Variants in CFAP100 observed in about 807,000 individuals in gnomAD.
CFAP100 encodes the protein cilia- and flagella-associated protein 100.
A neutral mutation model predicts 81.5 loss-of-function variants in CFAP100; 70 were observed. The ratio of observed to expected loss-of-function variants is 0.86; its 90% CI spans 0.71 to 1.05. The LOEUF is 1.05. CFAP100 is among the 50% of genes least tolerant of loss of function. The probability of loss-of-function intolerance (pLI) is 0.00; values close to 1 mark genes in which losing one functional copy is unlikely to be tolerated. For missense variants in CFAP100, 811 were observed against 776.5 expected (o/e 1.04, Z -0.53); for synonymous variants, 341 against 314.8 (o/e 1.08, Z -0.88).
chr3:126,416,309 C>T lies in CFAP100; in HGVS notation c.226-7C>T, dbSNP rs370503598. 222 of 1,576,800 alleles carry T rather than the reference C, an allele frequency of 1.4e-4. 3 individuals are homozygous for T. In the African/African-American group the frequency reaches 2.5e-3, roughly 18 times the overall value. ...GGGCCCCGCCCGACTTGGCCCGACGCCCCCAGGAACGGCAGCAGCAGAAGA... is the reference window on the plus strand; with the variant it reads ...GGGCCCCGCCCGACTTGGCCCGACGTCCCCAGGAACGGCAGCAGCAGAAGA... On this transcript the variant is annotated splice_polypyrimidine_tract_variant and splice_region_variant and intron_variant, in intron 4 of 16. Coordinates refer to ENST00000352312, the MANE Select transcript of CFAP100 (RefSeq NM_182628.3).
chr3:126,432,140 G>A (rs1016821521), intron 13 of CFAP100, among the ~76,000 whole-genome samples: 4 of 151,870 alleles, frequency 2.6e-5, no homozygotes, highest in Admixed American at 6.6e-5. Flanking sequence ...TTAGCCGGGC[G>A]TGGTGGCGGG....
In CFAP100 at chr3:126,427,463, G is replaced by C. The variant is rs928211173; in HGVS notation, c.1286+3819G>C. ...CTTCAAGATAATAATAATATAGTAG[G>C]TTTTCACTGGTGTCTGGTCTCTTTC... On this transcript the variant is annotated intron_variant, in intron 13 of 16. Coordinates refer to ENST00000352312, the MANE Select transcript of CFAP100 (RefSeq NM_182628.3). Among the ~76,000 whole-genome samples, 12 of 152,060 alleles carry C rather than the reference G, an allele frequency of 7.9e-5. 1 individual carries two copies. The highest frequency in any genetic ancestry group is 1.5e-5 in the Non-Finnish European group (1 of 68,020).
chr3:126,418,795 G>A, intron 7 of CFAP100, 21 bp downstream of exon 7: 2 of 1,557,628 alleles, frequency 1.3e-6, no homozygotes, highest in Non-Finnish European at 1.7e-6. Flanking sequence ...GGGCCCGAGG[G>A]GCTGGCTGGG....
At chr3:126,405,015 T>C (rs1452655468) in intron 2 of CFAP100, among the ~76,000 whole-genome samples, 1 of 152,154 alleles carries the variant, frequency 6.6e-6, no homozygotes, top group Admixed American at 6.5e-5. Flanking sequence ...GAAATACACA[T>C]AAAATTGACC....
At chr3:126,433,277 G>A (rs974895870) in intron 14 of CFAP100, 73 bp downstream of exon 14, 3 of 1,561,110 alleles carry the variant, frequency 1.9e-6, no homozygotes, top group Non-Finnish European at 2.6e-6. Context: ...GAGGAGCCCT[G>A]ACAGCCCTTG....
chr3:126,418,799 G>A (rs753815199), intron 7 of CFAP100, 25 bp downstream of exon 7: 4 of 1,555,748 alleles, frequency 2.6e-6, no homozygotes, highest in Non-Finnish European at 3.5e-6. Flanking sequence ...CCGAGGGGCT[G>A]GCTGGGCAAT....
In CFAP100 at chr3:126,423,541, C is replaced by G. The variant is rs144967893; in HGVS notation, c.1183C>G (p.Arg395Gly). ...TEPQQLLDVF[R>G]ELEEQNLSLI... ...GCCCCAGCAGCTCCTGGATGTCTTCCGAGAGCTGGAGGAGCAGAACCTGTC... is the reference window on the plus strand; with the variant it reads ...GCCCCAGCAGCTCCTGGATGTCTTCGGAGAGCTGGAGGAGCAGAACCTGTC... Residue 395 changes from arginine to glycine, a missense_variant, in exon 13 of 17, where the codon CGA (arginine) becomes GGA (glycine). Physicochemically the swap from Arg to Gly is moderately radical, Grantham distance 125. Coordinates refer to ENST00000352312, the MANE Select transcript of CFAP100 (RefSeq NM_182628.3). 2.5e-6 allele frequency: 4 copies of G among 1,614,154 alleles called. No individual in the cohort carries two copies. In the Admixed American group the frequency reaches 6.7e-5, roughly 27 times the overall value.
At chr3:126,412,756 T>G (rs945425026) in intron 3 of CFAP100, among the ~76,000 whole-genome samples, 1 of 152,180 alleles carries the variant, frequency 6.6e-6, no homozygotes, top group East Asian at 1.9e-4. Context: ...GGACTGCAGG[T>G]GCAGTGTCTG....
chr3:126,407,918 C>G (rs1342762405), intron 3 of CFAP100, among the ~76,000 whole-genome samples: 1 of 152,200 alleles, frequency 6.6e-6, no homozygotes, highest in East Asian at 1.9e-4. Context: ...GCCTGGACTC[C>G]CTGCTGTCTC....
chr3:126,418,043 G>GAAAA, intron 5 of CFAP100: 1 of 182,784 alleles, frequency 5.5e-6, no homozygotes. Context: ...TTGCTCGGGG[G>GAAAA]GCTTAGGTGC....
intron 11 of CFAP100, among the ~76,000 whole-genome samples, chr3:126,421,568 G>A (rs980361741): frequency 1.3e-5 from 2 of 152,144 alleles, no homozygotes; most frequent in African/African-American, 2.4e-5. Context: ...ATCCCTGCCC[G>A]GGCCCTGTGT....
chr3:126,423,365 A>G lies in CFAP100; in HGVS notation c.1123A>G (p.Ser375Gly). The G allele has an allele frequency of 6.2e-7, 1 of 1,613,636 alleles. No homozygotes were observed. The highest frequency in any genetic ancestry group is 8.5e-7 in the Non-Finnish European group (1 of 1,179,846). ...PIPPTQEDTD[S>G]DGEEPQLYFT... The stretch of plus-strand genomic sequence containing the variant: ...CCCCCCCACGCAGGAGGACACCGAC[A>G]GCGATGGGGAGGTGAATGGCCCAGT... The change falls in exon 12 of 17, where the codon AGC (serine) becomes GGC (glycine). Residue 375 changes from serine to glycine, a missense_variant. By Grantham distance (56) the Ser-to-Gly change is moderately conservative. Coordinates refer to ENST00000352312, the MANE Select transcript of CFAP100 (RefSeq NM_182628.3).
chr3:126,429,408 T>A (rs1019036414), intron 13 of CFAP100, among the ~76,000 whole-genome samples: 1 of 152,196 alleles, frequency 6.6e-6, no homozygotes, highest in Non-Finnish European at 1.5e-5. Flanking sequence ...TCTGATTTTA[T>A]GTTAATCTTC....
chr3:126,409,428 A>G (rs1411331112), intron 3 of CFAP100, among the ~76,000 whole-genome samples: 4 of 152,264 alleles, frequency 2.6e-5, no homozygotes, highest in Non-Finnish European at 5.9e-5. Context: ...GAAGTCTTGT[A>G]CATGTCACTT....
chr3:126,406,931 C>T (rs1274454868), intron 2 of CFAP100, among the ~76,000 whole-genome samples: 1 of 152,218 alleles, frequency 6.6e-6, no homozygotes, highest in African/African-American at 2.4e-5. Context: ...AGGGGAGGCA[C>T]AAAACATCCG....
At chr3:126,403,295 C>T (rs997173314) in intron 2 of CFAP100, among the ~76,000 whole-genome samples, 1 of 151,944 alleles carries the variant, frequency 6.6e-6, no homozygotes, top group African/African-American at 2.4e-5. Flanking sequence ...AGAGAATGGC[C>T]CGGGACACAG....
At position 126,408,936 on chromosome 3, in the gene CFAP100, G is replaced by A. The variant is rs368628369; in HGVS notation, c.130+1684G>A. Among the ~76,000 whole-genome samples, 19 of 152,184 alleles carry A rather than the reference G, an allele frequency of 1.2e-4. No homozygotes were observed. In the South Asian group the frequency reaches 1.7e-3, roughly 13 times the overall value. ...GCCGGGTAGCTGGGACAACAGGTGC[G>A]CACCAACACACCTGGCTCATTTTTG... On this transcript the variant is annotated intron_variant, in intron 3 of 16. Coordinates refer to ENST00000352312, the MANE Select transcript of CFAP100 (RefSeq NM_182628.3).
chr3:126,419,671 T>C lies in CFAP100; in HGVS notation c.766T>C (p.Tyr256His), dbSNP rs2083296966. 1 of 1,613,868 alleles carries C rather than the reference T, an allele frequency of 6.2e-7. No homozygotes were observed. Among genetic ancestry groups the C allele is most frequent in the African/African-American group, 1.3e-5 (1 of 74,934 alleles). The part of the protein sequence containing the change: ...ISRFEDTLKH[Y>H]KVYKDFLYKL... ...CAGATTTGAAGACACTCTGAAGCAT[T>C]ACAAGGTCTATAAGGATTTCCTATA... The change falls in exon 9 of 17, where the codon TAC (tyrosine) becomes CAC (histidine). Residue 256 changes from tyrosine (Y) to histidine (H), a missense_variant. Transcript: ENST00000352312.
rs142219982 is a variant in CFAP100 at position 126,434,232 on chromosome 3, C to T, written c.1479C>T (p.Thr493=). The change falls in exon 15 of 17, where the codon ACC becomes ACT. Residue 493 remains threonine, a synonymous_variant. Transcript: ENST00000352312. ...CKVLDVYRHC[T]GTQQEANLGT... is the part of the protein sequence containing the mutation. Reference sequence around the variant, plus strand: ...TGCTGGATGTGTACCGGCACTGCACCGGCACCCAGCAGGAGGCCAACCTGG... The same window carrying T: ...TGCTGGATGTGTACCGGCACTGCACTGGCACCCAGCAGGAGGCCAACCTGG... 52 of 1,613,842 alleles carry T rather than the reference C, an allele frequency of 3.2e-5. No individual in the cohort carries two copies. The East Asian group carries it at 6.5e-4, about 20-fold the overall frequency.
Sources: gnomAD v4.1 joint callset for allele counts (sites outside exome capture counted in the v4.1 genomes callset) on GRCh38, gnomAD v4.1.1 for gene constraint, MANE v1.5 for transcripts, NCBI Gene and HGNC (gene_info 2026-07-23, HGNC 2026-07-21) for gene names.